LRRTM4: variants seen among roughly 807,000 people sequenced by gnomAD.
LRRTM4 encodes the protein leucine rich repeat transmembrane neuronal 4, also known as leucine-rich repeat transmembrane neuronal protein 4.
In LRRTM4, 25 loss-of-function variants were observed where a neutral mutation model predicts 47.6. That is an observed-to-expected ratio of 0.53 (90% CI 0.38 to 0.73). The LOEUF is 0.73. LRRTM4 is among the 30% of genes least tolerant of loss of function. The pLI, the probability that LRRTM4 is intolerant of heterozygous loss-of-function variation, is 0.00. For missense variants in LRRTM4, 638 were observed against 713.4 expected (o/e 0.89, Z 1.20); for synonymous variants, 311 against 269.5 (o/e 1.15, Z -1.51).
chr2:76,795,294 C>G (rs1015480197), intron 3 of LRRTM4, among the ~76,000 whole-genome samples: 1 of 152,026 alleles, frequency 6.6e-6, no homozygotes, highest in Non-Finnish European at 1.5e-5. Flanking sequence ...TTATTGTGTA[C>G]AATATCTTGT....
At chr2:76,905,548 C>T (rs1164279034) in intron 3 of LRRTM4, among the ~76,000 whole-genome samples, 5 of 151,616 alleles carry the variant, frequency 3.3e-5, no homozygotes, top group African/African-American at 7.3e-5. Flanking sequence ...GATCAAACTA[C>T]GAGCTACAGG....
intron 3 of LRRTM4, among the ~76,000 whole-genome samples, chr2:76,969,001 T>C (rs1053589528): frequency 6.6e-6 from 1 of 151,914 alleles, no homozygotes; most frequent in Non-Finnish European, 1.5e-5. Context: ...CTGCCTTTAT[T>C]GGCCTCCCAA....
intron 3 of LRRTM4, among the ~76,000 whole-genome samples, chr2:77,152,797 CT>C (rs1037804633): frequency 1.8e-4 from 28 of 152,040 alleles, no homozygotes; most frequent in African/African-American, 6.3e-4. Flanking sequence ...AACCCCCACC[CT>C]TTTTATTGTA....
intron 3 of LRRTM4, among the ~76,000 whole-genome samples, chr2:77,409,550 T>C (rs937736151): frequency 6.6e-6 from 1 of 152,330 alleles, no homozygotes; most frequent in African/African-American, 2.4e-5. Context: ...AGCAGCCTTT[T>C]AGTAGGTTCA....
At chr2:76,917,258 G>C (rs1049657886) in intron 3 of LRRTM4, among the ~76,000 whole-genome samples, 1 of 152,112 alleles carries the variant, frequency 6.6e-6, no homozygotes, top group African/African-American at 2.4e-5. Flanking sequence ...ATTTGACTGG[G>C]CCTGTGGAGT....
At chr2:77,224,130 A>G (rs1368050872) in intron 3 of LRRTM4, among the ~76,000 whole-genome samples, 1 of 151,574 alleles carries the variant, frequency 6.6e-6, no homozygotes, top group Non-Finnish European at 1.5e-5. Flanking sequence ...TATTTAATAA[A>G]TGGTGCTGGG....
intron 3 of LRRTM4, among the ~76,000 whole-genome samples, chr2:77,342,650 G>T (rs1282389222): frequency 6.6e-6 from 1 of 151,932 alleles, no homozygotes; most frequent in African/African-American, 2.4e-5. Context: ...ATACACAATT[G>T]TATAATAAAA....
intron 3 of LRRTM4, among the ~76,000 whole-genome samples, chr2:77,491,815 ACAT>A (rs1419705519): frequency 2.0e-5 from 3 of 151,822 alleles, no homozygotes; most frequent in Non-Finnish European, 1.5e-5. Flanking sequence ...AATGTGGGAG[ACAT>A]CAGAAATTTT....
At chr2:76,795,669 A>G (rs1675258333) in intron 3 of LRRTM4, among the ~76,000 whole-genome samples, 1 of 152,112 alleles carries the variant, frequency 6.6e-6, no homozygotes, top group Admixed American at 6.5e-5. Flanking sequence ...TATGAATAAC[A>G]TTTCAATGAA....
At chr2:76,773,377 G>A (rs191923630) in intron 3 of LRRTM4, among the ~76,000 whole-genome samples, 98 of 152,222 alleles carry the variant, frequency 6.4e-4, no homozygotes, top group African/African-American at 2.1e-3. Flanking sequence ...TATTGCAGTA[G>A]TCTTAAATAA....
At chr2:76,974,062 A>G (rs1473364478) in intron 3 of LRRTM4, among the ~76,000 whole-genome samples, 1 of 151,196 alleles carries the variant, frequency 6.6e-6, no homozygotes, top group African/African-American at 2.4e-5. Flanking sequence ...GCTTAGAGAA[A>G]GGTTTTACCA....
At chr2:77,204,693 G>T (rs563982677) in intron 3 of LRRTM4, among the ~76,000 whole-genome samples, 1 of 152,104 alleles carries the variant, frequency 6.6e-6, no homozygotes. Context: ...TTGTTAAAAA[G>T]TTTGATTGTG....
At chr2:76,833,760 A>C (rs1671425354) in intron 3 of LRRTM4, among the ~76,000 whole-genome samples, 1 of 151,848 alleles carries the variant, frequency 6.6e-6, no homozygotes, top group South Asian at 2.1e-4. Flanking sequence ...AAAATGAGAC[A>C]ATTTTAAATT....
rs1672746746 is a variant in LRRTM4, at chr2:76,748,860, C to G, written c.1608G>C (p.Gly536=). The change falls in exon 4 of 4, where the codon GGG becomes GGC. Residue 536 remains glycine (G), a synonymous_variant. Transcript: ENST00000409884. ...PYYSYDQPVI[G]YCQAHQPLHV... is the part of the protein sequence containing the mutation. ...GGAGTGGCTGGTGGGCCTGGCAGTA[C>G]CCGATCACAGGCTGGTCATAGCTGT... 1 of 1,613,852 alleles carries G rather than the reference C, an allele frequency of 6.2e-7. No homozygotes were observed. Among genetic ancestry groups the G allele is most frequent in the African/African-American group, 1.3e-5 (1 of 74,916 alleles).
intron 3 of LRRTM4, among the ~76,000 whole-genome samples, chr2:76,898,053 G>T (rs943233343): frequency 3.9e-5 from 6 of 152,112 alleles, no homozygotes; most frequent in Non-Finnish European, 5.9e-5. Flanking sequence ...TCCTATTAGA[G>T]TTTCTCTTTA....
intron 3 of LRRTM4, among the ~76,000 whole-genome samples, chr2:77,063,904 G>A (rs1001006074): frequency 6.6e-6 from 1 of 151,886 alleles, no homozygotes; most frequent in African/African-American, 2.4e-5. Context: ...AAATAAAGAT[G>A]ACTAATGGCC....
In LRRTM4 at chr2:77,078,472, C is replaced by T. The variant is rs75120907; in HGVS notation, c.1552-329556G>A. 8.4e-3 allele frequency among the ~76,000 whole-genome samples: 1,271 copies of T among 152,110 alleles called. 17 individuals carry two copies. The highest frequency in any genetic ancestry group is 0.053 in the South Asian group (257 of 4,814). On this transcript the variant is annotated intron_variant, in intron 3 of 3. Coordinates refer to ENST00000409884, the MANE Select transcript of LRRTM4 (RefSeq NM_001134745.3). ...AGGAATTAGCGATAAAGTGACAAAACATAACCAAGTTGCCTGAGCTGAACT... is the reference window on the plus strand; with the variant it reads ...AGGAATTAGCGATAAAGTGACAAAATATAACCAAGTTGCCTGAGCTGAACT...
chr2:76,959,454 A>T (rs1259755677), intron 3 of LRRTM4, among the ~76,000 whole-genome samples: 1 of 150,286 alleles, frequency 6.7e-6, no homozygotes, highest in Non-Finnish European at 1.5e-5. Flanking sequence ...GGGGAAAAAA[A>T]ACACGACAGA....
chr2:77,283,475 T>C (rs920494884), intron 3 of LRRTM4, among the ~76,000 whole-genome samples: 5 of 151,280 alleles, frequency 3.3e-5, no homozygotes, highest in African/African-American at 1.2e-4. Flanking sequence ...ACTGTGTATG[T>C]ATCCAAAAGA....
Sources: gnomAD v4.1 joint callset for allele counts (sites outside exome capture counted in the v4.1 genomes callset) on GRCh38, gnomAD v4.1.1 for gene constraint, MANE v1.5 for transcripts, NCBI Gene and HGNC (gene_info 2026-07-23, HGNC 2026-07-21) for gene names.